VTI1A: variants seen among roughly 807,000 people sequenced by gnomAD.
VTI1A encodes the protein vesicle transport through interaction with t-SNAREs 1A, also known as vesicle transport through interaction with t-SNAREs homolog 1A.
In VTI1A, 22 loss-of-function variants were observed where a neutral mutation model predicts 34.9. The observed-to-expected ratio is 0.63, with a 90% CI of 0.45 to 0.90. The LOEUF (loss-of-function observed/expected upper bound fraction) is 0.90. Among genes scored for constraint, VTI1A ranks in the 40% least tolerant of loss-of-function variants. The pLI is 0.00. For missense variants in VTI1A, 268 were observed against 275.6 expected (o/e 0.97, Z 0.20); for synonymous variants, 87 against 97.3 (o/e 0.89, Z 0.62).
rs138257119 is a variant in VTI1A, at chr10:112,583,886, C to T, written c.427+45556C>T. Among the ~76,000 whole-genome samples the T allele has an allele frequency of 1.1e-4, 16 of 152,320 alleles. No individual in the cohort carries two copies. In the East Asian group the frequency reaches 2.5e-3, roughly 24 times the overall value. ...CTATTTCAGCTCTTAAAGTGACAGACGAGTTACGTTGGTGCACATTGCCAG... is the reference window on the plus strand; with the variant it reads ...CTATTTCAGCTCTTAAAGTGACAGATGAGTTACGTTGGTGCACATTGCCAG... On this transcript the variant is annotated intron_variant, in intron 5 of 7. Transcript: ENST00000393077.
At chr10:112,779,541 C>T (rs940894572) in intron 7 of VTI1A, among the ~76,000 whole-genome samples, 24 of 152,120 alleles carry the variant, frequency 1.6e-4, no homozygotes, top group African/African-American at 5.1e-4. Context: ...AAGGTGTAGG[C>T]GCTGGGCTTA....
intron 7 of VTI1A, among the ~76,000 whole-genome samples, chr10:112,812,541 C>T (rs1029270446): frequency 3.3e-5 from 5 of 152,208 alleles, no homozygotes; most frequent in African/African-American, 7.2e-5. Flanking sequence ...GTATTTCCCC[C>T]TTCCAAACTG....
rs1439925393 is a variant in VTI1A, at chr10:112,604,581, A to G, written c.428-63637A>G. On this transcript the variant is annotated intron_variant, in intron 5 of 7. Coordinates refer to ENST00000393077, the MANE Select transcript of VTI1A (RefSeq NM_145206.4). The stretch of plus-strand genomic sequence containing the variant: ...CTTATACACTCATAAACTGCTAATG[A>G]TTTTGCTTCCACACAACCAGATGTA... 2.6e-5 allele frequency among the ~76,000 whole-genome samples: 4 copies of G among 152,170 alleles called. No individual in the cohort carries two copies. The East Asian group carries it at 7.7e-4, about 29-fold the overall frequency.
intron 5 of VTI1A, among the ~76,000 whole-genome samples, chr10:112,553,797 G>A (rs11195993): frequency 0.13 from 19,483 of 152,208 alleles, 2,118 homozygotes; most frequent in African/African-American, 0.28. Flanking sequence ...GGACTGGGAA[G>A]TACAGTTCCA....
At chr10:112,541,496 G>A (rs1589880455) in intron 5 of VTI1A, among the ~76,000 whole-genome samples, 1 of 152,094 alleles carries the variant, frequency 6.6e-6, no homozygotes. Flanking sequence ...TTAACTTTGA[G>A]AATCATTGGC....
chr10:112,677,797 G>T (rs1387144511), intron 7 of VTI1A: 1 of 152,248 alleles, frequency 6.6e-6, no homozygotes, highest in Non-Finnish European at 1.5e-5. Context: ...AGTGCACGCA[G>T]CACATTGCTG....
At chr10:112,644,857 G>T (rs1003516613) in intron 5 of VTI1A, among the ~76,000 whole-genome samples, 4 of 152,082 alleles carry the variant, frequency 2.6e-5, no homozygotes, top group Non-Finnish European at 2.9e-5. Context: ...TAAGCAGAAT[G>T]GCAAAATGAC....
chr10:112,489,512 G>C (rs1398093654), intron 3 of VTI1A, among the ~76,000 whole-genome samples: 6 of 152,172 alleles, frequency 3.9e-5, no homozygotes, highest in Admixed American at 1.3e-4. Context: ...GTATCATTAA[G>C]AATGCAAACA....
chr10:112,634,908 A>C (rs1326475864), intron 5 of VTI1A, among the ~76,000 whole-genome samples: 1 of 152,198 alleles, frequency 6.6e-6, no homozygotes, highest in Non-Finnish European at 1.5e-5. Context: ...ATACATAAAC[A>C]TGCATAATAA....
intron 3 of VTI1A, among the ~76,000 whole-genome samples, chr10:112,474,233 T>G (rs886478466): frequency 1.3e-5 from 2 of 151,926 alleles, no homozygotes; most frequent in African/African-American, 4.8e-5. Flanking sequence ...GGCTAATTTT[T>G]TTTTTGTATT....
intron 5 of VTI1A, among the ~76,000 whole-genome samples, chr10:112,591,043 G>A (rs1159002461): frequency 1.3e-5 from 2 of 152,228 alleles, no homozygotes; most frequent in Non-Finnish European, 2.9e-5. Context: ...AGAGGTTGCA[G>A]TGAGCCGAGA....
At chr10:112,494,291 CCTCTT>C (rs969441851) in intron 3 of VTI1A, among the ~76,000 whole-genome samples, 3 of 151,898 alleles carry the variant, frequency 2.0e-5, no homozygotes, top group East Asian at 1.9e-4. Flanking sequence ...ACAAATGTCT[CCTCTT>C]CTGTTCATGG....
chr10:112,670,279 G>C (rs1341204238), intron 7 of VTI1A, among the ~76,000 whole-genome samples: 2 of 152,046 alleles, frequency 1.3e-5, no homozygotes, highest in Non-Finnish European at 2.9e-5. Context: ...TCATTAAAGA[G>C]TCCTCCTGCT....
the VTI1A span, chr10:112,825,104 A>C: frequency 2.6e-5 from 4 of 152,180 alleles, no homozygotes; most frequent in African/African-American, 9.7e-5. Context: ...AATTCTTAAT[A>C]ATTTTATCTT....
chr10:112,851,346 G>T, the VTI1A span, among the ~76,000 whole-genome samples: 4 of 152,316 alleles, frequency 2.6e-5, no homozygotes, highest in South Asian at 6.2e-4. Flanking sequence ...TAGACAATGT[G>T]CTCATGGCAC....
intron 3 of VTI1A, among the ~76,000 whole-genome samples, chr10:112,507,628 C>G (rs1447955733): frequency 2.6e-5 from 4 of 152,290 alleles, no homozygotes; most frequent in Non-Finnish European, 5.9e-5. Context: ...GTTCTGCTGC[C>G]TTGCAACCCT....
In VTI1A at chr10:112,510,639, A is replaced by AACC. The variant is rs764422048; in HGVS notation, c.265-16427_265-16425dup. 2.8e-4 allele frequency among the ~76,000 whole-genome samples: 42 copies of AACC among 151,946 alleles called. No individual in the cohort carries two copies. The East Asian group carries it at 2.9e-3, about 11-fold the overall frequency. On this transcript the variant is annotated intron_variant, in intron 3 of 7. Coordinates refer to ENST00000393077, the MANE Select transcript of VTI1A (RefSeq NM_145206.4). Reference sequence around the variant, plus strand: ...CGACAGTGAGGCTTTGACTCAAAAAAACCACCACCACCACCACCACCACAA... The same window carrying AACC: ...CGACAGTGAGGCTTTGACTCAAAAAAACCACCACCACCACCACCACCACCACAA...
intron 5 of VTI1A, among the ~76,000 whole-genome samples, chr10:112,639,433 G>A (rs959754464): frequency 2.6e-5 from 4 of 152,082 alleles, no homozygotes; most frequent in Non-Finnish European, 4.4e-5. Context: ...TTCAAAACAG[G>A]TAGCTCTTTG....
At chr10:112,605,679 C>T (rs554779486) in intron 5 of VTI1A, among the ~76,000 whole-genome samples, 1 of 152,284 alleles carries the variant, frequency 6.6e-6, no homozygotes, top group Non-Finnish European at 1.5e-5. Context: ...TATCTACCTA[C>T]CCACATCCAG....
Sources: allele counts gnomAD v4.1 joint callset (sites outside exome capture counted in the v4.1 genomes callset), GRCh38; gene constraint gnomAD v4.1.1; transcripts MANE v1.5; gene names NCBI Gene and HGNC (gene_info 2026-07-23, HGNC 2026-07-21).